KATNBL1: variants seen among roughly 807,000 people sequenced by gnomAD.
KATNBL1 encodes the protein KATNB1-like protein 1.
In KATNBL1, 28 loss-of-function variants were observed where a neutral mutation model predicts 44.7. The ratio of observed to expected loss-of-function variants is 0.63; its 90% CI spans 0.46 to 0.86. The LOEUF (loss-of-function observed/expected upper bound fraction) is 0.86. KATNBL1 is among the 40% of genes least tolerant of loss of function. The pLI is 0.00. For missense variants in KATNBL1, 272 were observed against 350.7 expected (o/e 0.78, Z 1.79); for synonymous variants, 78 against 114.9 (o/e 0.68, Z 2.06).
chr15:34,186,377 C>T (rs1287309438), intron 1 of KATNBL1, among the ~76,000 whole-genome samples: 1 of 152,190 alleles, frequency 6.6e-6, no homozygotes, highest in Non-Finnish European at 1.5e-5. Flanking sequence ...GAGCCCTGCC[C>T]AGGTGGGCTA....
In KATNBL1 at chr15:34,142,391, ACATTT is replaced by A. The variant is rs370706098; in HGVS notation, c.883-25_883-21del. 6.3e-7 allele frequency: 1 copy of A among 1,576,566 alleles called. No homozygotes were observed. The highest frequency in any genetic ancestry group is 2.3e-5 in the East Asian group (1 of 44,398). ...TACATCCTTAGAAGATAAAACAAAA[ACATTT>A]CATTAGACAGTACAGTAAATACAAA... On this transcript the variant is annotated intron_variant, in intron 9 of 9. Transcript: ENST00000256544.
chr15:34,146,005 G>C (rs1421275583), intron 8 of KATNBL1: 1 of 146,142 alleles, frequency 6.8e-6, no homozygotes, highest in East Asian at 2.1e-4. Context: ...CTGGAGTGCA[G>C]TGGTGCCATC....
intron 8 of KATNBL1, 137 bp downstream of exon 8, chr15:34,146,624 A>G: frequency 1.6e-6 from 1 of 609,942 alleles, no homozygotes; most frequent in East Asian, 2.8e-5. Context: ...ACAGTCTCTT[A>G]AGTTAGTATC....
chr15:34,201,294 A>G (rs1393571093), intron 1 of KATNBL1, among the ~76,000 whole-genome samples: 1 of 152,214 alleles, frequency 6.6e-6, no homozygotes, highest in African/African-American at 2.4e-5. Flanking sequence ...GAAAAAAGTA[A>G]GGTAGCAAAA....
intron 1 of KATNBL1, among the ~76,000 whole-genome samples, chr15:34,172,253 A>ATTGTTTTT (rs1260376752): frequency 4.3e-5 from 2 of 46,860 alleles, no homozygotes; most frequent in Non-Finnish European, 9.2e-5. Flanking sequence ...GGAGGAACAT[A>ATTGTTTTT]TTCTTTTTTT....
chr15:34,148,001 C>T (rs1193806811), intron 5 of KATNBL1, among the ~76,000 whole-genome samples: 1 of 152,020 alleles, frequency 6.6e-6, no homozygotes, highest in Non-Finnish European at 1.5e-5. Context: ...ACCACAAGCA[C>T]GTACCACTGT....
chr15:34,180,592 C>T lies in KATNBL1; in HGVS notation c.-14-16902G>A, dbSNP rs575682280. 1.6e-4 allele frequency among the ~76,000 whole-genome samples: 25 copies of T among 152,294 alleles called. 1 individual carries two copies. The highest frequency in any genetic ancestry group is 5.3e-4 in the African/African-American group (22 of 41,562). On this transcript the variant is annotated intron_variant, in intron 1 of 9. Transcript: ENST00000256544. ...TTTAATTTCTTTGTATTTGGCTCCT[C>T]GGTCAGCCACTGCTAGGTCCAAGTC...
At chr15:34,172,563 CAT>C (rs1211803849) in intron 1 of KATNBL1, among the ~76,000 whole-genome samples, 1 of 152,036 alleles carries the variant, frequency 6.6e-6, no homozygotes, top group African/African-American at 2.4e-5. Flanking sequence ...AGCCTAGGAA[CAT>C]ATTCTAAAAA....
chr15:34,189,469 CA>C (rs1035030626), intron 1 of KATNBL1, among the ~76,000 whole-genome samples: 17 of 152,104 alleles, frequency 1.1e-4, no homozygotes, highest in Non-Finnish European at 2.4e-4. Flanking sequence ...ACCCAATATC[CA>C]AAAAAGTTTG....
In KATNBL1 at chr15:34,153,832, G is replaced by A. The variant is rs370654795; in HGVS notation, c.159-763C>T. On this transcript the variant is annotated intron_variant, in intron 3 of 9. Transcript: ENST00000256544. ...GATCCACCCACCTTGGCCTCCTAAAGTGCTGGGAATACAGGTGTGAGCCAT... is the reference window on the plus strand; with the variant it reads ...GATCCACCCACCTTGGCCTCCTAAAATGCTGGGAATACAGGTGTGAGCCAT... Among the ~76,000 whole-genome samples the A allele has an allele frequency of 5.9e-5, 9 of 152,194 alleles. No homozygotes were observed. The East Asian group carries it at 1.5e-3, about 26-fold the overall frequency.
intron 1 of KATNBL1, among the ~76,000 whole-genome samples, chr15:34,201,296 G>C (rs1164323864): frequency 2.0e-5 from 3 of 152,164 alleles, no homozygotes; most frequent in Admixed American, 6.5e-5. Flanking sequence ...AAAAAGTAAG[G>C]TAGCAAAACA....
intron 2 of KATNBL1, among the ~76,000 whole-genome samples, chr15:34,161,103 C>T (rs373197631): frequency 4.6e-5 from 7 of 152,272 alleles, no homozygotes; most frequent in South Asian, 2.1e-4. Context: ...ACCACAAATC[C>T]GGACTCAACA....
intron 1 of KATNBL1, among the ~76,000 whole-genome samples, chr15:34,172,926 GT>G (rs1436832069): frequency 6.6e-6 from 1 of 152,118 alleles, no homozygotes; most frequent in African/African-American, 2.4e-5. Context: ...TTTATTGTAT[GT>G]AAATTGTACT....
chr15:34,178,638 C>G (rs1408064739), intron 1 of KATNBL1, among the ~76,000 whole-genome samples: 1 of 151,868 alleles, frequency 6.6e-6, no homozygotes, highest in Admixed American at 6.6e-5. Context: ...CACTTGTAGT[C>G]CCAGCTACTT....
intron 2 of KATNBL1, among the ~76,000 whole-genome samples, chr15:34,157,350 T>C (rs575907562): frequency 6.6e-6 from 1 of 152,312 alleles, no homozygotes; most frequent in Admixed American, 6.5e-5. Context: ...TTTCTGCTGT[T>C]TGAACTGTGG....
At position 34,159,705 on chromosome 15, in the gene KATNBL1, T is replaced by C. The variant is rs548818978; in HGVS notation, c.117+3855A>G. Among the ~76,000 whole-genome samples, 6 of 152,332 alleles carry C rather than the reference T, an allele frequency of 3.9e-5. No individual in the cohort carries two copies. In the East Asian group the frequency reaches 1.2e-3, roughly 29 times the overall value. On this transcript the variant is annotated intron_variant, in intron 2 of 9. Transcript: ENST00000256544. ...CTTTGTCTGTGGTGGTGAGCAAGTT[T>C]AGGAAGGGGAGGAATTTTCCATGAT...
intron 1 of KATNBL1, among the ~76,000 whole-genome samples, chr15:34,182,549 C>G (rs956600469): frequency 2.0e-5 from 3 of 152,020 alleles, no homozygotes; most frequent in Admixed American, 2.0e-4. Flanking sequence ...GGACAATAGG[C>G]ATAAATCAGA....
At chr15:34,181,384 CTATT>C (rs1889519752) in intron 1 of KATNBL1, among the ~76,000 whole-genome samples, 1 of 151,690 alleles carries the variant, frequency 6.6e-6, no homozygotes, top group Non-Finnish European at 1.5e-5. Context: ...CAAGACTAAA[CTATT>C]TATCTAAATA....
chr15:34,158,395 G>A (rs1888701622), intron 2 of KATNBL1, among the ~76,000 whole-genome samples: 1 of 152,152 alleles, frequency 6.6e-6, no homozygotes, highest in Non-Finnish European at 1.5e-5. Flanking sequence ...GCAGTTGGGG[G>A]AAGAAGGCAA....
Sources: allele counts gnomAD v4.1 joint callset (sites outside exome capture counted in the v4.1 genomes callset), GRCh38; gene constraint gnomAD v4.1.1; transcripts MANE v1.5; gene names NCBI Gene and HGNC (gene_info 2026-07-23, HGNC 2026-07-21).